The following PRKAG2 variants were observed in gnomAD, a reference collection of about 807,000 sequenced individuals.
The protein encoded by PRKAG2 is 5'-AMP-activated protein kinase subunit gamma-2.
In PRKAG2, 26 loss-of-function variants were observed where a neutral mutation model predicts 69.6. That is an observed-to-expected ratio of 0.37 (90% CI 0.27 to 0.52). The LOEUF (loss-of-function observed/expected upper bound fraction) is 0.52, where lower values mean the gene tolerates loss of function less well. Ranked by LOEUF, PRKAG2 falls within the 20% of genes least tolerant of loss-of-function variation. The pLI, the probability that PRKAG2 is intolerant of heterozygous loss-of-function variation, is 0.90. For synonymous variants in PRKAG2, 293 were observed against 285.0 expected (o/e 1.03, Z -0.28); for missense variants, 557 against 740.0 (o/e 0.75, Z 2.87).
chr7:151,585,205 T>C (rs567299314), intron 6 of PRKAG2, among the ~76,000 whole-genome samples: 71 of 152,362 alleles, frequency 4.7e-4, no homozygotes, highest in African/African-American at 1.6e-3. Flanking sequence ...ATAAAAATGA[T>C]TTCTGTTATA....
intron 1 of PRKAG2, among the ~76,000 whole-genome samples, chr7:151,804,697 G>A (rs1267193090): frequency 1.3e-5 from 2 of 152,292 alleles, no homozygotes; most frequent in Non-Finnish European, 2.9e-5. Flanking sequence ...CGTGGCATCT[G>A]TGTAACCCAA....
intron 3 of PRKAG2, among the ~76,000 whole-genome samples, chr7:151,694,038 A>T (rs961208598): frequency 2.0e-5 from 3 of 151,904 alleles, no homozygotes; most frequent in Non-Finnish European, 4.4e-5. Flanking sequence ...CACCCAGCTA[A>T]TTTTTTTCTA....
chr7:151,600,740 T>A (rs1815842994), intron 5 of PRKAG2, among the ~76,000 whole-genome samples: 1 of 152,202 alleles, frequency 6.6e-6, no homozygotes. Flanking sequence ...CTTGCCCTTG[T>A]TCACTCACTT....
intron 1 of PRKAG2, among the ~76,000 whole-genome samples, chr7:151,822,570 G>A (rs989886173): frequency 2.6e-5 from 4 of 152,224 alleles, no homozygotes; most frequent in Non-Finnish European, 4.4e-5. Context: ...AAAGCCAAGG[G>A]CCAGGAGGCG....
intron 3 of PRKAG2, among the ~76,000 whole-genome samples, chr7:151,776,788 G>C (rs2076376749): frequency 6.6e-6 from 1 of 152,360 alleles, no homozygotes; most frequent in Admixed American, 6.5e-5. Flanking sequence ...ATGAGAGGTA[G>C]CTGAGGGGCT....
At position 151,777,470 on chromosome 7, in the gene PRKAG2, G is replaced by A. The variant is rs1275266889; in HGVS notation, c.466+3682C>T. 2.0e-5 allele frequency among the ~76,000 whole-genome samples: 3 copies of A among 152,148 alleles called. No individual in the cohort carries two copies. Among genetic ancestry groups the A allele is most frequent in the Non-Finnish European group, 4.4e-5 (3 of 68,024 alleles). On this transcript the variant is annotated intron_variant, in intron 3 of 15. Coordinates refer to ENST00000287878, the MANE Select transcript of PRKAG2 (RefSeq NM_016203.4). This position sits in a 1 kb window ranked among gnomAD's most constrained non-coding sequence, Gnocchi z 4.3. ...ATGAATGGCTGGGTTGCCTCCCTGCGGCAGTGAGTCCTGCTCTCTTAGCTG... is the reference window on the plus strand; with the variant it reads ...ATGAATGGCTGGGTTGCCTCCCTGCAGCAGTGAGTCCTGCTCTCTTAGCTG...
intron 15 of PRKAG2, chr7:151,558,397 T>C: frequency 1.0e-6 from 1 of 985,434 alleles, no homozygotes; most frequent in South Asian, 4.7e-5. Context: ...ATGGCTTTTG[T>C]GCACGGCTTT....
chr7:151,570,019 A>G, intron 10 of PRKAG2, 152 bp downstream of exon 10: 1 of 852,678 alleles, frequency 1.2e-6, no homozygotes. Context: ...TAGTGTTCCT[A>G]GATTTACTGA....
intron 1 of PRKAG2, among the ~76,000 whole-genome samples, chr7:151,831,575 T>C (rs1466911491): frequency 1.3e-5 from 2 of 152,228 alleles, no homozygotes; most frequent in East Asian, 3.8e-4. Flanking sequence ...TTAATGGCTA[T>C]GGTCAGCGGA....
intron 4 of PRKAG2, among the ~76,000 whole-genome samples, chr7:151,650,719 A>G (rs1828351557): frequency 6.6e-6 from 1 of 152,190 alleles, no homozygotes; most frequent in Non-Finnish European, 1.5e-5. Context: ...CACATCAACA[A>G]GGCAGTGGCA....
At chr7:151,597,515 C>T (rs1437894439) in intron 5 of PRKAG2, among the ~76,000 whole-genome samples, 1 of 152,052 alleles carries the variant, frequency 6.6e-6, no homozygotes, top group African/African-American at 2.4e-5. Flanking sequence ...AAAATATTTG[C>T]AAACTATACA....
At chr7:151,736,248 C>T (rs1303971188) in intron 3 of PRKAG2, 3 of 1,337,058 alleles carry the variant, frequency 2.2e-6, no homozygotes, top group East Asian at 5.7e-5. Context: ...GACGGGGCTG[C>T]ACCTCCGGCC....
intron 1 of PRKAG2, among the ~76,000 whole-genome samples, chr7:151,865,409 A>T (rs780744887): frequency 2.0e-5 from 3 of 152,240 alleles, no homozygotes; most frequent in Non-Finnish European, 4.4e-5. Context: ...GAAAGAATAA[A>T]TTCTGTGGCT....
chr7:151,720,937 T>A (rs1586048073), intron 3 of PRKAG2, among the ~76,000 whole-genome samples: 1 of 83,854 alleles, frequency 1.2e-5, no homozygotes, highest in South Asian at 4.0e-4. Flanking sequence ...TGGAGAGGGA[T>A]GGAGCGGGGT....
chr7:151,800,357 C>CAAA (rs398048179), intron 1 of PRKAG2, among the ~76,000 whole-genome samples: 2 of 104,182 alleles, frequency 1.9e-5, no homozygotes, highest in African/African-American at 3.7e-5. Context: ...GACTCTGTCT[C>CAAA]AAAAAAAAAA....
intron 3 of PRKAG2, among the ~76,000 whole-genome samples, chr7:151,676,240 A>AGGAGGG (rs1179039602): frequency 1.9e-4 from 3 of 15,866 alleles, no homozygotes; most frequent in Non-Finnish European, 2.4e-4. Context: ...CATGTATCTG[A>AGGAGGG]GGAGGGGGAG....
intron 5 of PRKAG2, chr7:151,631,836 T>G (rs1016834890): frequency 2.2e-5 from 11 of 499,928 alleles, no homozygotes; most frequent in African/African-American, 4.0e-5. Flanking sequence ...GGCTCAGGGC[T>G]GCGCTCTGGG....
rs79439364 is a variant in PRKAG2 at position 151,611,768 on chromosome 7, C to G, written c.755-16314G>C. On this transcript the variant is annotated intron_variant, in intron 5 of 15. Transcript: ENST00000287878. ...AACATTAAGATGGTAAAAAAGCAGT[C>G]TCGGGCCGGGCACGGTGGCCCATAC... is the stretch of plus-strand genomic sequence containing the variant. 7.4e-3 allele frequency among the ~76,000 whole-genome samples: 1,127 copies of G among 152,244 alleles called. 14 individuals carry two copies. The highest frequency in any genetic ancestry group is 0.025 in the African/African-American group (1,026 of 41,544).
intron 11 of PRKAG2, chr7:151,566,547 TA>T: frequency 2.2e-6 from 1 of 445,480 alleles, no homozygotes; most frequent in Non-Finnish European, 4.5e-6. Context: ...TATAACAAAA[TA>T]AGGTCTACGG....
Sources: gnomAD v4.1 joint callset for allele counts (sites outside exome capture counted in the v4.1 genomes callset) on GRCh38, gnomAD v4.1.1 for gene constraint, Gnocchi (gnomAD v3.1) non-coding constraint, MANE v1.5 for transcripts, NCBI Gene and HGNC (gene_info 2026-07-23, HGNC 2026-07-21) for gene names.